Variants in DIAPH2 observed in about 807,000 individuals in gnomAD.
DIAPH2 encodes diaphanous related formin 2, also known as protein diaphanous homolog 2.
DIAPH2 carries 35 observed loss-of-function variants against 92.7 expected under a neutral mutation model. The observed-to-expected ratio is 0.38, with a 90% CI of 0.29 to 0.50. DIAPH2 has a LOEUF of 0.50. Ranked by LOEUF, DIAPH2 falls within the 20% of genes least tolerant of loss-of-function variation. The pLI is 0.94. For synonymous variants in DIAPH2, 301 were observed against 280.4 expected, an observed-to-expected ratio of 1.07 and a Z score of -0.73; for missense variants, 701 against 819.5, an observed-to-expected ratio of 0.86 and a Z score of 1.77.
chrX:97,568,401 GAAGGAGTGTAA>G (rs1178995799), intron 26 of DIAPH2, among the ~76,000 whole-genome samples: 1 of 110,846 alleles, frequency 9.0e-6, no homozygotes, highest in Non-Finnish European at 1.9e-5. Flanking sequence ...TAACAAAATA[GAAGGAGTGTAA>G]AATGGAAGAA....
intron 26 of DIAPH2, among the ~76,000 whole-genome samples, chrX:97,439,765 G>C (rs2070234343): frequency 1.3e-5 from 1 of 78,271 alleles, no homozygotes; most frequent in African/African-American, 4.7e-5. Flanking sequence ...AGAGGGGCGG[G>C]GGGTGGGTGG....
Position 97,348,201 on chromosome X carries a change from A to G in DIAPH2, c.2930A>G (p.Glu977Gly). 1 of 1,210,337 alleles carries G rather than the reference A, an allele frequency of 8.3e-7. No homozygotes were observed. Among genetic ancestry groups the G allele is most frequent in the Non-Finnish European group, 1.1e-6 (1 of 894,415 alleles). The change falls in exon 24 of 27, where the codon GAA (glutamate) becomes GGA (glycine). Residue 977 changes from glutamate (E) to glycine (G), a missense_variant. Physicochemically the swap from Glu to Gly is moderately conservative, Grantham distance 98. Coordinates refer to ENST00000324765, the MANE Select transcript of DIAPH2 (RefSeq NM_006729.5). ...NMMKLYENLG[E>G]YFIFDSKTVS... The stretch of plus-strand genomic sequence containing the variant: ...ATGAAGCTCTATGAGAATCTTGGAG[A>G]ATACTTCATTTTTGACTCAAAGACA...
chrX:96,855,658 G>A (rs2065035112), intron 4 of DIAPH2, among the ~76,000 whole-genome samples: 1 of 109,930 alleles, frequency 9.1e-6, no homozygotes. Flanking sequence ...ACATCCAGGA[G>A]ATTAGAGGGA....
At chrX:97,217,554 G>A (rs950413590) in intron 22 of DIAPH2, among the ~76,000 whole-genome samples, 1 of 112,121 alleles carries the variant, frequency 8.9e-6, no homozygotes, top group East Asian at 2.8e-4. Flanking sequence ...TTCTGTCCAT[G>A]CCCTGAGGGA....
At chrX:97,573,950 C>T (rs2071386091) in intron 26 of DIAPH2, among the ~76,000 whole-genome samples, 1 of 111,401 alleles carries the variant, frequency 9.0e-6, no homozygotes, top group African/African-American at 3.3e-5. Context: ...CATGAGCCAC[C>T]GTGCCCGGCC....
chrX:96,827,101 TCTTGTA>T (rs2064820863), intron 4 of DIAPH2, among the ~76,000 whole-genome samples: 1 of 112,841 alleles, frequency 8.9e-6, no homozygotes, highest in Non-Finnish European at 1.9e-5. Context: ...TGAAACACAT[TCTTGTA>T]CTTGAACACA....
chrX:97,027,920 G>GA (rs1182972334), intron 17 of DIAPH2, among the ~76,000 whole-genome samples: 1 of 111,304 alleles, frequency 9.0e-6, no homozygotes. Context: ...TTATTTTGAG[G>GA]AAAAAAATAA....
chrX:97,473,626 C>T (rs1247563084), intron 26 of DIAPH2, among the ~76,000 whole-genome samples: 2 of 112,288 alleles, frequency 1.8e-5, no homozygotes, highest in East Asian at 2.8e-4. Flanking sequence ...TGAGCCACCA[C>T]GCCCAGCAAG....
chrX:97,507,792 A>T (rs2070848016), intron 26 of DIAPH2, among the ~76,000 whole-genome samples: 1 of 111,481 alleles, frequency 9.0e-6, no homozygotes, highest in African/African-American at 3.3e-5. Flanking sequence ...CAGGCTATAG[A>T]TGTCCCTAAT....
At chrX:97,170,967 C>T (rs1054031237) in intron 22 of DIAPH2, among the ~76,000 whole-genome samples, 2 of 110,398 alleles carry the variant, frequency 1.8e-5, no homozygotes, top group Non-Finnish European at 3.8e-5. Context: ...ACCTCTGCCT[C>T]CCCGGTTCAA....
chrX:96,960,240 G>A (rs774329747), intron 16 of DIAPH2, among the ~76,000 whole-genome samples: 1 of 111,412 alleles, frequency 9.0e-6, no homozygotes, highest in East Asian at 2.8e-4. Flanking sequence ...TATTCTATGA[G>A]CATTGTCTCT....
chrX:97,395,697 C>G lies in DIAPH2; in HGVS notation c.3145+11653C>G, dbSNP rs1444932124. 2.7e-5 allele frequency among the ~76,000 whole-genome samples: 3 copies of G among 112,071 alleles called. No homozygotes were observed. The East Asian group carries it at 8.3e-4, about 31-fold the overall frequency. Reference sequence around the variant, plus strand: ...GGGAAATAAGTGCTAAACTCTCATTCTATCTGCCTTAGCAGTAAAACAAAT... The same window carrying G: ...GGGAAATAAGTGCTAAACTCTCATTGTATCTGCCTTAGCAGTAAAACAAAT... On this transcript the variant is annotated intron_variant, in intron 25 of 26. Transcript: ENST00000324765.
intron 22 of DIAPH2, among the ~76,000 whole-genome samples, chrX:97,215,233 G>A (rs187428815): frequency 2.1e-3 from 229 of 111,542 alleles, no homozygotes; most frequent in Non-Finnish European, 3.5e-3. Flanking sequence ...AGTTTTCTTG[G>A]ATATTAGGTG....
intron 26 of DIAPH2, among the ~76,000 whole-genome samples, chrX:97,567,119 G>T (rs995525194): frequency 8.9e-6 from 1 of 111,886 alleles, no homozygotes; most frequent in African/African-American, 3.3e-5. Context: ...GATGTTCATT[G>T]TTTGTGATGT....
At chrX:97,019,151 T>A (rs1201681613) in intron 17 of DIAPH2, among the ~76,000 whole-genome samples, 1 of 112,069 alleles carries the variant, frequency 8.9e-6, no homozygotes, top group Non-Finnish European at 1.9e-5. Context: ...TTAGTAATTA[T>A]GAATAAAGCT....
intron 23 of DIAPH2, among the ~76,000 whole-genome samples, chrX:97,281,558 C>T (rs1247322423): frequency 9.0e-6 from 1 of 110,629 alleles, no homozygotes; most frequent in African/African-American, 3.3e-5. Context: ...TCCTGGCTAA[C>T]ATGGTGAAAT....
intron 21 of DIAPH2, among the ~76,000 whole-genome samples, chrX:97,131,891 G>A (rs1163853509): frequency 1.8e-5 from 2 of 111,808 alleles, no homozygotes; most frequent in African/African-American, 6.5e-5. Context: ...GAGTACAAAT[G>A]ATGGTTAATT....
chrX:97,173,190 C>T (rs1465488357), intron 22 of DIAPH2, among the ~76,000 whole-genome samples: 1 of 111,996 alleles, frequency 8.9e-6, no homozygotes, highest in African/African-American at 3.2e-5. Context: ...CATTTGAGTT[C>T]AAGAGTTTGA....
chrX:96,971,646 T>G (rs1370397330), intron 17 of DIAPH2, among the ~76,000 whole-genome samples: 2 of 111,743 alleles, frequency 1.8e-5, no homozygotes, highest in African/African-American at 6.5e-5. Context: ...ATGTATGTAT[T>G]GCTGAGAATG....
Sources: allele counts gnomAD v4.1 joint callset (sites outside exome capture counted in the v4.1 genomes callset), GRCh38; gene constraint gnomAD v4.1.1; transcripts MANE v1.5; gene names NCBI Gene and HGNC (gene_info 2026-07-23, HGNC 2026-07-21).